FERMT2: variants seen among roughly 807,000 people sequenced by gnomAD.
The protein encoded by FERMT2 is fermitin family homolog 2.
Under a neutral mutation model 82.7 loss-of-function variants are expected in FERMT2, and 15 were observed. The ratio of observed to expected loss-of-function variants is 0.18; its 90% confidence interval spans 0.12 to 0.28. The LOEUF is 0.28. FERMT2 is among the 10% of genes least tolerant of loss of function. The pLI is 1.00. For synonymous variants in FERMT2, 274 were observed against 271.5 expected (o/e 1.01, Z -0.09); for missense variants, 645 against 809.4 (o/e 0.80, Z 2.46).
At chr14:52,922,078 T>C (rs1177065208) in intron 2 of FERMT2, among the ~76,000 whole-genome samples, 2 of 152,098 alleles carry the variant, frequency 1.3e-5, no homozygotes, top group Non-Finnish European at 2.9e-5. Flanking sequence ...AGCAGCTTAT[T>C]TGTGGGAAGG....
intron 4 of FERMT2, among the ~76,000 whole-genome samples, chr14:52,890,677 C>A (rs1233631268): frequency 1.3e-5 from 2 of 149,360 alleles, no homozygotes; most frequent in Non-Finnish European, 3.0e-5. Flanking sequence ...AATCTCGGCT[C>A]ACTGCAACCT....
At chr14:52,890,444 GAAAA>G (rs1239140523) in intron 4 of FERMT2, among the ~76,000 whole-genome samples, 1 of 104,360 alleles carries the variant, frequency 9.6e-6, no homozygotes, top group African/African-American at 3.6e-5. Context: ...CACTCCGTCT[GAAAA>G]AAAAAAAAAA....
chr14:52,874,375 T>A, intron 8 of FERMT2, 149 bp from the exon 9 acceptor site: 3 of 519,970 alleles, frequency 5.8e-6, no homozygotes, highest in Non-Finnish European at 6.6e-6. Flanking sequence ...TCACATTACA[T>A]AGTCTTGTGG....
chr14:52,907,834 G>C (rs945856001), intron 3 of FERMT2, among the ~76,000 whole-genome samples: 11 of 150,310 alleles, frequency 7.3e-5, no homozygotes, highest in African/African-American at 2.7e-4. Context: ...AAACAGAAAA[G>C]AAATGGGACA....
chr14:52,945,242 TG>T (rs887380363), intron 2 of FERMT2, among the ~76,000 whole-genome samples: 5 of 151,230 alleles, frequency 3.3e-5, no homozygotes, highest in African/African-American at 1.2e-4. Context: ...TTTTTGTTGT[TG>T]TTTTTTTTTT....
In FERMT2 at chr14:52,894,662, G is replaced by A. The variant is rs1594959043; in HGVS notation, c.392-1235C>T. Among the ~76,000 whole-genome samples, 8 of 151,972 alleles carry A rather than the reference G, an allele frequency of 5.3e-5. No homozygotes were observed. The South Asian group carries it at 1.7e-3, about 32-fold the overall frequency. ...TGACAAAGGTACCAAGGCAATCCAA[G>A]GAGAAAGAAAAATCTTTTCAACAAA... On this transcript the variant is annotated intron_variant, in intron 3 of 14. Coordinates refer to ENST00000341590, the MANE Select transcript of FERMT2 (RefSeq NM_006832.3).
intron 3 of FERMT2, 112 bp from the exon 4 acceptor site, chr14:52,893,539 G>A: frequency 1.3e-6 from 1 of 789,626 alleles, no homozygotes; most frequent in Non-Finnish European, 2.0e-6. Context: ...GTATGTCTGA[G>A]TTGTGTCAGA....
intron 2 of FERMT2, among the ~76,000 whole-genome samples, chr14:52,925,231 C>T (rs1320624321): frequency 1.3e-5 from 2 of 152,070 alleles, no homozygotes; most frequent in African/African-American, 4.8e-5. Flanking sequence ...TTTGCCCAGG[C>T]AAGCATAAAA....
rs1566717028 is a variant in FERMT2, at chr14:52,864,871, T to G, written c.1274-18A>C. On this transcript the variant is annotated intron_variant, in intron 10 of 14. Coordinates refer to ENST00000341590, the MANE Select transcript of FERMT2 (RefSeq NM_006832.3). ...TTCACATCCTGTAACAAAAAATTTT[T>G]ATTAAAATGGCTAAATTTACTTTTA... 1.4e-6 allele frequency: 2 copies of G among 1,386,898 alleles called. No homozygotes were observed. The highest frequency in any genetic ancestry group is 2.0e-6 in the Non-Finnish European group (2 of 985,246). 85.9% of individuals were successfully genotyped at this position (1,386,898 alleles called of 1,614,324 possible).
chr14:52,876,917 A>G (rs1293481147), intron 7 of FERMT2, among the ~76,000 whole-genome samples: 4 of 151,934 alleles, frequency 2.6e-5, no homozygotes, highest in Non-Finnish European at 5.9e-5. Context: ...ATGTCAAAAT[A>G]CTCTCATTAT....
At chr14:52,897,785 T>C (rs1887374555) in intron 3 of FERMT2, among the ~76,000 whole-genome samples, 1 of 152,008 alleles carries the variant, frequency 6.6e-6, no homozygotes, top group East Asian at 1.9e-4. Flanking sequence ...GAAACCAGCC[T>C]GGCCAACATG....
intron 3 of FERMT2, among the ~76,000 whole-genome samples, chr14:52,913,075 A>G (rs1343121186): frequency 6.6e-6 from 1 of 152,230 alleles, no homozygotes; most frequent in Non-Finnish European, 1.5e-5. Flanking sequence ...TACATATTAA[A>G]TTGTTAAAAA....
intron 2 of FERMT2, among the ~76,000 whole-genome samples, chr14:52,932,364 T>C (rs571329348): frequency 8.7e-4 from 132 of 152,184 alleles, no homozygotes; most frequent in South Asian, 1.7e-3. Flanking sequence ...CTTAAGGAAA[T>C]AGGTATTTAG....
chr14:52,893,784 T>G (rs1887094668), intron 3 of FERMT2, among the ~76,000 whole-genome samples: 1 of 151,944 alleles, frequency 6.6e-6, no homozygotes, highest in Admixed American at 6.6e-5. Context: ...ACGTGATAAA[T>G]GAAGTAAATG....
intron 3 of FERMT2, among the ~76,000 whole-genome samples, chr14:52,894,372 T>A (rs1887132196): frequency 6.6e-6 from 1 of 152,244 alleles, no homozygotes; most frequent in African/African-American, 2.4e-5. Context: ...AAAGATTTAA[T>A]GAGATGCCAG....
At chr14:52,870,310 C>T (rs972928639) in intron 10 of FERMT2, among the ~76,000 whole-genome samples, 5 of 149,954 alleles carry the variant, frequency 3.3e-5, no homozygotes, top group African/African-American at 7.4e-5. Flanking sequence ...AGTGCAATGG[C>T]GTGATCTCAG....
intron 2 of FERMT2, among the ~76,000 whole-genome samples, chr14:52,932,101 G>C (rs1595012631): frequency 6.6e-6 from 1 of 152,206 alleles, no homozygotes; most frequent in Non-Finnish European, 1.5e-5. Flanking sequence ...TGAGAAAACG[G>C]GGGGTGGAGC....
At chr14:52,907,517 G>A (rs1049196522) in intron 3 of FERMT2, among the ~76,000 whole-genome samples, 13 of 152,062 alleles carry the variant, frequency 8.5e-5, no homozygotes, top group African/African-American at 1.9e-4. Context: ...GCTTTAGGGC[G>A]AAAATAACGT....
rs372471658 is a variant in FERMT2, at chr14:52,905,587, C to A, written c.392-12160G>T. ...GTGGAGATGGAGAGACGTGGAAAGA[C>A]TGAAGACATATCCTCGAGACAAAAT... On this transcript the variant is annotated intron_variant, in intron 3 of 14. Transcript: ENST00000341590. Among the ~76,000 whole-genome samples the A allele has an allele frequency of 5.9e-5, 9 of 152,292 alleles. No homozygotes were observed. In the East Asian group the frequency reaches 1.4e-3, roughly 23 times the overall value.
Sources: allele counts gnomAD v4.1 joint callset (sites outside exome capture counted in the v4.1 genomes callset), GRCh38; gene constraint gnomAD v4.1.1; transcripts MANE v1.5; gene names NCBI Gene and HGNC (gene_info 2026-07-23, HGNC 2026-07-21).